Variants in RBM14 observed in about 807,000 individuals in gnomAD.
RBM14 encodes RNA binding motif protein 14.
Under a neutral mutation model 52.8 loss-of-function variants are expected in RBM14, and 5 were observed. The ratio of observed to expected loss-of-function variants is 0.09; its 90% CI spans 0.05 to 0.20. The LOEUF is 0.20. Ranked by LOEUF, RBM14 falls within the 10% of genes least tolerant of loss-of-function variation. The pLI is 1.00. For synonymous variants in RBM14, 411 were observed against 401.8 expected, an observed-to-expected ratio of 1.02 and a Z score of -0.28; for missense variants, 780 against 926.6, an observed-to-expected ratio of 0.84 and a Z score of 2.05.
Position 66,624,353 on chromosome 11 carries a change from C to A in RBM14, c.477C>A (p.Val159=), listed in dbSNP as rs765591391. The change falls in exon 2 of 3, where the codon GTC becomes GTA. Residue 159 remains valine (V), a synonymous_variant. Coordinates refer to ENST00000310137, the MANE Select transcript of RBM14 (RefSeq NM_006328.4). The surrounding 1 kb of genome is among the most constrained non-coding windows in gnomAD (Gnocchi z 4.7). ...KGQKKGPGLA[V]QSGDKTKKPG... is the part of the protein sequence containing the mutation. ...AGAAGAAGGGGCCTGGCCTGGCTGT[C>A]CAGTCTGGGGACAAGACCAAGAAAC... The A allele has an allele frequency of 1.9e-6, 3 of 1,614,016 alleles. No homozygotes were observed. The highest frequency in any genetic ancestry group is 2.5e-6 in the Non-Finnish European group (3 of 1,179,992).
rs1447053581 is a variant in RBM14, at chr11:66,626,671, C to A, written c.*3C>A. On this transcript the variant is annotated 3_prime_UTR_variant, in exon 3 of 3. Coordinates refer to ENST00000310137, the MANE Select transcript of RBM14 (RefSeq NM_006328.4). ...CTGGCTACCAGCGCCGCATGTAGGG[C>A]CATCCTGGGATGGGGCACCACAGGG... 1 of 1,599,650 alleles carries A rather than the reference C, an allele frequency of 6.3e-7. No individual in the cohort carries two copies. The highest frequency in any genetic ancestry group is 8.5e-7 in the Non-Finnish European group (1 of 1,173,578).
intron 1 of RBM14, among the ~76,000 whole-genome samples, chr11:66,622,317 C>T (rs1362179860): frequency 6.6e-6 from 1 of 151,438 alleles, no homozygotes; most frequent in Non-Finnish European, 1.5e-5. Context: ...CTGCAACTTC[C>T]ACCTCCCAGG....
chr11:66,623,645 G>A (rs1232535550), intron 1 of RBM14, among the ~76,000 whole-genome samples: 2 of 152,206 alleles, frequency 1.3e-5, no homozygotes, highest in African/African-American at 4.8e-5. Context: ...GGGAAGTACT[G>A]TGAAAAAGCG....
intron 1 of RBM14, among the ~76,000 whole-genome samples, chr11:66,621,629 G>A (rs553935801): frequency 2.6e-5 from 4 of 152,122 alleles, no homozygotes; most frequent in Non-Finnish European, 2.9e-5. Flanking sequence ...CGCCTGCCTC[G>A]GCCTCCCCAA....
At chr11:66,618,434 T>A in intron 1 of RBM14, 1 of 715,106 alleles carries the variant, frequency 1.4e-6, no homozygotes, top group South Asian at 1.5e-5. Flanking sequence ...GGTCATAGTG[T>A]CCACTACTAG....
Position 66,624,511 on chromosome 11 carries a change from G to A in RBM14, c.635G>A (p.Arg212His), listed in dbSNP as rs1168228107. Residue 212 changes from arginine (R) to histidine (H), a missense_variant, in exon 2 of 3, where the codon CGC (arginine) becomes CAC (histidine). Transcript: ENST00000310137. The surrounding 1 kb of genome is among the most constrained non-coding windows in gnomAD (Gnocchi z 4.7). ...ARQPTPPFFG[R>H]DRSPLRRSPP... ...CAGCCCACACCACCCTTCTTTGGTCGCGACCGCAGCCCTCTGCGCCGTTCA... is the reference window on the plus strand; with the variant it reads ...CAGCCCACACCACCCTTCTTTGGTCACGACCGCAGCCCTCTGCGCCGTTCA... 1.9e-6 allele frequency: 3 copies of A among 1,612,778 alleles called. No individual in the cohort carries two copies. The highest frequency in any genetic ancestry group is 1.7e-6 in the Non-Finnish European group (2 of 1,179,100).
intron 1 of RBM14, chr11:66,618,631 C>G (rs1428909631): frequency 9.8e-6 from 7 of 712,060 alleles, no homozygotes; most frequent in Non-Finnish European, 1.6e-5. Flanking sequence ...GGTACTTGTC[C>G]AGCAAAAGGG....
intron 1 of RBM14, among the ~76,000 whole-genome samples, chr11:66,617,754 C>CTAA: frequency 6.6e-6 from 1 of 152,374 alleles, no homozygotes; most frequent in East Asian, 1.9e-4. Flanking sequence ...CTCGATTTTA[C>CTAA]ATCTGTCAAC....
Position 66,625,344 on chromosome 11 carries a change from TCGG to T in RBM14, c.1470_1472del (p.Ala494del), listed in dbSNP as rs1937741253. The T allele has an allele frequency of 1.9e-6, 3 of 1,607,278 alleles. No individual in the cohort carries two copies. The highest frequency in any genetic ancestry group is 1.7e-4 in the Middle Eastern group (1 of 6,024). ...CCTTTCAGGCTCCTATGGGGCTCAG[TCGG>T]CTGCTGCGGCCACTGGCTCCTATGG... is the stretch of plus-strand genomic sequence containing the variant. On this transcript the variant is annotated inframe_deletion, in exon 2 of 3. Transcript: ENST00000310137. This position sits in a 1 kb window ranked among gnomAD's most constrained non-coding sequence, Gnocchi z 4.2.
At chr11:66,621,218 G>T (rs1318684439) in intron 1 of RBM14, among the ~76,000 whole-genome samples, 3 of 147,074 alleles carry the variant, frequency 2.0e-5, no homozygotes, top group East Asian at 4.0e-4. Flanking sequence ...GGTTTTTTGT[G>T]TTTTTTTTTT....
At position 66,625,050 on chromosome 11, in the gene RBM14, T is replaced by A. The variant is rs1937722909; in HGVS notation, c.1174T>A (p.Ser392Thr). The A allele has an allele frequency of 6.2e-7, 1 of 1,612,442 alleles. No homozygotes were observed. The highest frequency in any genetic ancestry group is 8.5e-7 in the Non-Finnish European group (1 of 1,179,478). Reference protein sequence around the residue: ...ASYGAQSAASSLAYGAQAASY... With the variant: ...ASYGAQSAASTLAYGAQAASY... ...CTATGGGGCCCAGTCTGCAGCCTCC[T>A]CACTAGCTTATGGAGCCCAGGCAGC... The change falls in exon 2 of 3, where the codon TCA becomes ACA. Residue 392 changes from serine (S) to threonine (T), a missense_variant. Ser to Thr is a moderately conservative substitution (Grantham distance 58). Around this residue, in one of 4 missense-constraint regions of RBM14, gnomAD observed 675 missense variants for 697.3 expected, o/e 0.97. Coordinates refer to ENST00000310137, the MANE Select transcript of RBM14 (RefSeq NM_006328.4). This position sits in a 1 kb window ranked among gnomAD's most constrained non-coding sequence, Gnocchi z 4.2.
Position 66,626,515 on chromosome 11 carries a change from G to A in RBM14, c.1857G>A (p.Glu619=), listed in dbSNP as rs1406155561. The change falls in exon 3 of 3, where the codon GAG becomes GAA. Residue 619 remains glutamate (E), a synonymous_variant. Transcript: ENST00000310137. ...AELSDYRRLS[E]SQLSFRRSPT... The stretch of plus-strand genomic sequence containing the variant: ...TCTCTGATTACCGCCGTTTATCAGA[G>A]TCGCAGCTTTCGTTCCGCCGCTCGC... 1 of 1,613,938 alleles carries A rather than the reference G, an allele frequency of 6.2e-7. No homozygotes were observed. Among genetic ancestry groups the A allele is most frequent in the South Asian group, 1.1e-5 (1 of 91,086 alleles).
In RBM14 at chr11:66,626,639, A is replaced by G. The variant is rs1937822111; in HGVS notation, c.1981A>G (p.Met661Val). Residue 661 changes from methionine to valine, a missense_variant, in exon 3 of 3, where the codon ATG becomes GTG. Physicochemically the swap from Met to Val is conservative, Grantham distance 21. Around this residue, in one of 4 missense-constraint regions of RBM14, gnomAD observed 675 missense variants for 697.3 expected, o/e 0.97. Coordinates refer to ENST00000310137, the MANE Select transcript of RBM14 (RefSeq NM_006328.4). ...TAATGATTACCTGCGGGCGGCTCAG[A>G]TGCACTCTGGCTACCAGCGCCGCAT... ...SYNDYLRAAQ[M>V]HSGYQRRM 1 of 1,611,108 alleles carries G rather than the reference A, an allele frequency of 6.2e-7. No individual in the cohort carries two copies. Among genetic ancestry groups the G allele is most frequent in the South Asian group, 1.1e-5 (1 of 90,824 alleles).
chr11:66,617,324 C>G, intron 1 of RBM14: 1 of 1,286,162 alleles, frequency 7.8e-7, no homozygotes, highest in South Asian at 2.3e-5. Flanking sequence ...CGCCTGAGAG[C>G]CTTGCGAGTG....
Position 66,626,593 on chromosome 11 carries a change from C to T in RBM14, c.1935C>T (p.Tyr645=), listed in dbSNP as rs1387700789. 7.4e-6 allele frequency: 12 copies of T among 1,613,866 alleles called. No individual in the cohort carries two copies. The highest frequency in any genetic ancestry group is 2.7e-5 in the African/African-American group (2 of 75,066). ...YRRLPDAHSD[Y]ARYSGSYNDY... ...GCCTGCCCGATGCCCATTCCGATTA[C>T]GCACGCTATTCGGGCTCCTATAATG... Residue 645 remains tyrosine, a synonymous_variant, in exon 3 of 3, where the codon TAC becomes TAT. Transcript: ENST00000310137.
Position 66,624,670 on chromosome 11 carries a change from C to G in RBM14, c.794C>G (p.Pro265Arg). 1 of 1,613,626 alleles carries G rather than the reference C, an allele frequency of 6.2e-7. No individual in the cohort carries two copies. The highest frequency in any genetic ancestry group is 8.5e-7 in the Non-Finnish European group (1 of 1,179,880). ...TTGGGTGTTGGCTATCGGACTCAGC[C>G]CATGACAGCCCAGGCAGCCTCTTAC... ...ASLGVGYRTQ[P>R]MTAQAASYRA... is the part of the protein sequence containing the mutation. The change falls in exon 2 of 3, where the codon CCC becomes CGC. Residue 265 changes from proline to arginine, a missense_variant. By Grantham distance (103) the Pro-to-Arg change is moderately radical. Coordinates refer to ENST00000310137, the MANE Select transcript of RBM14 (RefSeq NM_006328.4). This position sits in a 1 kb window ranked among gnomAD's most constrained non-coding sequence, Gnocchi z 4.7.
At chr11:66,619,269 C>T (rs1408593560) in intron 1 of RBM14, 2 of 152,100 alleles carry the variant, frequency 1.3e-5, no homozygotes, top group African/African-American at 2.4e-5. Context: ...CTTGGTGTTG[C>T]ACCAGACAAC....
chr11:66,625,334 T>C lies in RBM14; in HGVS notation c.1458T>C (p.Tyr486=), dbSNP rs1937740323. ...CATCAATGGGCCTTTCAGGCTCCTA[T>C]GGGGCTCAGTCGGCTGCTGCGGCCA... ...AQASMGLSGS[Y]GAQSAAAATG... The change falls in exon 2 of 3, where the codon TAT becomes TAC. Residue 486 remains tyrosine (Y), a synonymous_variant. Coordinates refer to ENST00000310137, the MANE Select transcript of RBM14 (RefSeq NM_006328.4). This position sits in a 1 kb window ranked among gnomAD's most constrained non-coding sequence, Gnocchi z 4.2. The C allele has an allele frequency of 6.2e-7, 1 of 1,609,684 alleles. No individual in the cohort carries two copies. The highest frequency in any genetic ancestry group is 1.1e-5 in the South Asian group (1 of 90,886).
chr11:66,624,055 A>G lies in RBM14; in HGVS notation c.338-159A>G, dbSNP rs1937674823. 7.3e-6 allele frequency: 9 copies of G among 1,224,708 alleles called. No individual in the cohort carries two copies. In the South Asian group the frequency reaches 9.0e-5, roughly 12 times the overall value. 75.9% of individuals were successfully genotyped at this position (1,224,708 alleles called of 1,614,324 possible). On this transcript the variant is annotated intron_variant, in intron 1 of 2. Transcript: ENST00000310137. The surrounding 1 kb of genome is among the most constrained non-coding windows in gnomAD (Gnocchi z 4.7). ...TTGGGACAGTCAGAAGCTTTGTTAT[A>G]TGGGAGCTACATTTTATGACATACT...
Sources: gnomAD v4.1 joint callset for allele counts (sites outside exome capture counted in the v4.1 genomes callset) on GRCh38, gnomAD v4.1.1 for gene constraint, gnomAD v4.1.1 regional missense constraint, Gnocchi (gnomAD v3.1) non-coding constraint, MANE v1.5 for transcripts, NCBI Gene and HGNC (gene_info 2026-07-23, HGNC 2026-07-21) for gene names.